The following PRSS3 variants were observed in gnomAD, a reference collection of about 807,000 sequenced individuals.
The protein encoded by PRSS3 is trypsin-3.
In PRSS3, 14 loss-of-function variants were observed where a neutral mutation model predicts 20.8. The ratio of observed to expected loss-of-function variants is 0.67; its 90% confidence interval spans 0.44 to 1.05. The LOEUF (loss-of-function observed/expected upper bound fraction) is 1.05. Among genes scored for constraint, PRSS3 ranks in the 50% least tolerant of loss-of-function variants. The probability of loss-of-function intolerance (pLI) is 0.00; values close to 1 mark genes in which losing one functional copy is unlikely to be tolerated. For synonymous variants in PRSS3, 91 were observed against 117.6 expected (o/e 0.77, Z 1.46); for missense variants, 237 against 306.4 (o/e 0.77, Z 1.69).
At chr9:33,764,472 G>T (rs1823336280) in intron 1 of PRSS3, among the ~76,000 whole-genome samples, 1 of 152,204 alleles carries the variant, frequency 6.6e-6, no homozygotes. Context: ...GGCGAAGGTT[G>T]CAGTGAGCCG....
chr9:33,788,666 G>A (rs1824509206), intron 1 of PRSS3, among the ~76,000 whole-genome samples: 1 of 152,176 alleles, frequency 6.6e-6, no homozygotes, highest in African/African-American at 2.4e-5. Flanking sequence ...GTCTAACCAA[G>A]TATGGTTCTG....
intron 1 of PRSS3, among the ~76,000 whole-genome samples, chr9:33,771,873 C>CTTTTTTTTTTTTT (rs74178902): frequency 7.8e-6 from 1 of 128,298 alleles, no homozygotes; most frequent in Non-Finnish European, 1.6e-5. Flanking sequence ...TCTTTCTTTT[C>CTTTTTTTTTTTTT]TTTTTTTTTT....
intron 1 of PRSS3, among the ~76,000 whole-genome samples, chr9:33,777,626 T>C (rs1167579925): frequency 6.8e-6 from 1 of 146,760 alleles, no homozygotes; most frequent in Non-Finnish European, 1.5e-5. Flanking sequence ...GAAAATGGCG[T>C]GAACCCGGGA....
At chr9:33,798,930 G>A in intron 4 of PRSS3, 98 bp from the exon 5 acceptor site, 2 of 1,472,918 alleles carry the variant, frequency 1.4e-6, no homozygotes, top group Non-Finnish European at 9.5e-7. Context: ...TGGAGCCACA[G>A]AGCTGGCTGG....
At position 33,795,572 on chromosome 9, in the gene PRSS3, C is replaced by T. The variant is rs1292808290; in HGVS notation, c.-2C>T. ...ACCACCAGTCAGGCACACTCTACCA[C>T]CATGAATCCATTCCTGATCCTTGCC... is the stretch of plus-strand genomic sequence containing the variant. On this transcript the variant is annotated 5_prime_UTR_variant, in exon 1 of 5. Transcript: ENST00000379405. The T allele has an allele frequency of 6.2e-7, 1 of 1,614,132 alleles. No homozygotes were observed. Among genetic ancestry groups the T allele is most frequent in the African/African-American group, 1.3e-5 (1 of 74,948 alleles).
At chr9:33,795,120 C>T (rs376888237), upstream of PRSS3, among the ~76,000 whole-genome samples, 2 of 152,226 alleles carry the variant, frequency 1.3e-5, no homozygotes, top group African/African-American at 2.4e-5. Flanking sequence ...TTCCTCCTCT[C>T]GTGGGGGCTC....
intron 1 of PRSS3, among the ~76,000 whole-genome samples, chr9:33,761,109 C>A (rs144073880): frequency 1.2e-4 from 18 of 152,178 alleles, no homozygotes; most frequent in Non-Finnish European, 2.4e-4. Flanking sequence ...TCATGTGGCA[C>A]TTAACGACAG....
At chr9:33,767,283 C>G (rs1823477481) in intron 1 of PRSS3, among the ~76,000 whole-genome samples, 2 of 151,244 alleles carry the variant, frequency 1.3e-5, no homozygotes. Context: ...GAGGGAGACT[C>G]TGTCTCAAAA....
chr9:33,787,792 T>G (rs1824472651), intron 1 of PRSS3, among the ~76,000 whole-genome samples: 1 of 152,184 alleles, frequency 6.6e-6, no homozygotes, highest in Non-Finnish European at 1.5e-5. Context: ...TGATTTGCAC[T>G]TCAGACCACT....
chr9:33,761,707 AAAAAT>A (rs965303493), intron 1 of PRSS3, among the ~76,000 whole-genome samples: 2 of 151,898 alleles, frequency 1.3e-5, no homozygotes, highest in Non-Finnish European at 2.9e-5. Flanking sequence ...ACTCCGCCTC[AAAAAT>A]AAAATAAAAT....
chr9:33,777,081 A>G (rs1483305588), intron 1 of PRSS3, among the ~76,000 whole-genome samples: 2 of 152,174 alleles, frequency 1.3e-5, no homozygotes, highest in Admixed American at 1.3e-4. Flanking sequence ...GAACAACAAC[A>G]TGAATAATGA....
chr9:33,798,173 G>A (rs760243783), intron 3 of PRSS3, 91 bp downstream of exon 3: 29 of 1,408,742 alleles, frequency 2.1e-5, no homozygotes, highest in East Asian at 1.2e-4. Flanking sequence ...CTTGCCTCCC[G>A]GCTTAAGACA....
chr9:33,793,393 C>G (rs1477362484), upstream of PRSS3, among the ~76,000 whole-genome samples: 2 of 152,214 alleles, frequency 1.3e-5, no homozygotes, highest in East Asian at 1.9e-4. Context: ...AGGGGCAACA[C>G]AGGAAAAACC....
At chr9:33,766,763 G>T (rs879705397) in intron 1 of PRSS3, among the ~76,000 whole-genome samples, 11 of 152,146 alleles carry the variant, frequency 7.2e-5, no homozygotes, top group Non-Finnish European at 1.5e-4. Context: ...GGGGCTGGGG[G>T]TGCTGGCAGG....
At chr9:33,769,681 C>T (rs1240205369) in intron 1 of PRSS3, among the ~76,000 whole-genome samples, 1 of 152,160 alleles carries the variant, frequency 6.6e-6, no homozygotes, top group African/African-American at 2.4e-5. Flanking sequence ...CCACCTTGGG[C>T]CCAGGGCACA....
rs535481202 is a variant in PRSS3 at position 33,778,697 on chromosome 9, A to T, written c.-52-16049A>T. Among the ~76,000 whole-genome samples, 11 of 152,366 alleles carry T rather than the reference A, an allele frequency of 7.2e-5. No individual in the cohort carries two copies. The South Asian group carries it at 2.3e-3, about 32-fold the overall frequency. ...GTTTTAAAATATAGAAGTATAAATC[A>T]TGTCCATGGATTGTTGCAGCCTCTG... On this transcript the variant is annotated intron_variant, in intron 1 of 5. Coordinates refer to the PRSS3 transcript ENST00000342836.
intron 1 of PRSS3, among the ~76,000 whole-genome samples, chr9:33,765,615 A>C (rs1823379992): frequency 6.6e-6 from 1 of 152,238 alleles, no homozygotes; most frequent in Non-Finnish European, 1.5e-5. Flanking sequence ...CAGTTTACTA[A>C]GTGACTAATG....
chr9:33,795,801 A>C (rs1587400165), intron 1 of PRSS3, among the ~76,000 whole-genome samples, 188 bp downstream of exon 1: 2 of 151,710 alleles, frequency 1.3e-5, no homozygotes, highest in East Asian at 1.9e-4. Context: ...CCCTCATTTC[A>C]CTCCCACCAC....
intron 1 of PRSS3, among the ~76,000 whole-genome samples, chr9:33,752,836 A>G (rs940771423): frequency 1.3e-4 from 20 of 152,362 alleles, no homozygotes; most frequent in African/African-American, 4.8e-4. Context: ...AGCCTTCTGT[A>G]TGTGATGCAG....
Sources: gnomAD v4.1 joint callset for allele counts (sites outside exome capture counted in the v4.1 genomes callset) on GRCh38, gnomAD v4.1.1 for gene constraint, MANE v1.5 for transcripts, NCBI Gene and HGNC (gene_info 2026-07-23, HGNC 2026-07-21) for gene names.